RMDN2: variants seen among roughly 807,000 people sequenced by gnomAD.
RMDN2 encodes the protein regulator of microtubule dynamics 2.
RMDN2 carries 61 observed loss-of-function variants against 52.8 expected under a neutral mutation model. That is an observed-to-expected ratio of 1.16 (90% CI 0.94 to 1.43). RMDN2 has a LOEUF of 1.43. RMDN2 is among the 40% of genes most tolerant of loss of function. The pLI is 0.00. For missense variants in RMDN2, 592 were observed against 475.3 expected (o/e 1.25, Z -2.28); for synonymous variants, 180 against 153.1 (o/e 1.18, Z -1.30).
intron 2 of RMDN2, among the ~76,000 whole-genome samples, chr2:37,963,630 G>A (rs1670585425): frequency 6.6e-6 from 1 of 152,196 alleles, no homozygotes; most frequent in Non-Finnish European, 1.5e-5. Flanking sequence ...GCACAGGGTT[G>A]GGGGCAAGGT....
At chr2:37,994,623 G>A (rs1675261281) in intron 7 of RMDN2, among the ~76,000 whole-genome samples, 1 of 152,062 alleles carries the variant, frequency 6.6e-6, no homozygotes, top group African/African-American at 2.4e-5. Flanking sequence ...TTAGAAAAAT[G>A]CAAATTAAAA....
intron 6 of RMDN2, 28 bp from the exon 7 acceptor site, chr2:37,991,192 A>G (rs1170986861): frequency 3.0e-6 from 4 of 1,350,102 alleles, no homozygotes; most frequent in East Asian, 2.4e-5. Flanking sequence ...AACTTGGGAG[A>G]TGATTTTCCT....
chr2:38,047,755 G>A (rs781684891), intron 10 of RMDN2, among the ~76,000 whole-genome samples: 2 of 152,268 alleles, frequency 1.3e-5, no homozygotes, highest in Admixed American at 6.5e-5. Context: ...CTCCCATGAC[G>A]GTTAACTGTC....
At chr2:38,000,651 C>G (rs898338832) in intron 8 of RMDN2, among the ~76,000 whole-genome samples, 1 of 152,146 alleles carries the variant, frequency 6.6e-6, no homozygotes, top group African/African-American at 2.4e-5. Context: ...TTTTGAGATT[C>G]ATTCATTTTA....
At chr2:37,965,713 A>G (rs1349218678) in intron 2 of RMDN2, among the ~76,000 whole-genome samples, 1 of 152,158 alleles carries the variant, frequency 6.6e-6, no homozygotes, top group African/African-American at 2.4e-5. Flanking sequence ...ACAGAATATT[A>G]TATTTTTGTA....
At chr2:37,946,292 AT>A (rs1478133722) in intron 2 of RMDN2, among the ~76,000 whole-genome samples, 12 of 152,126 alleles carry the variant, frequency 7.9e-5, no homozygotes, top group Admixed American at 4.6e-4. Context: ...TTCCTGCCTT[AT>A]AACTTTAGTT....
chr2:38,027,316 C>G (rs1679850461), intron 10 of RMDN2: 1 of 152,140 alleles, frequency 6.6e-6, no homozygotes, highest in Non-Finnish European at 1.5e-5. Flanking sequence ...GGTTGCTGTA[C>G]TTTCTTTCTT....
intron 5 of RMDN2, among the ~76,000 whole-genome samples, chr2:37,986,208 T>A (rs1202401621): frequency 2.0e-5 from 3 of 152,188 alleles, no homozygotes; most frequent in Non-Finnish European, 4.4e-5. Flanking sequence ...TGGAACTCGT[T>A]GAGAGGAAAC....
At chr2:37,960,017 T>C (rs748756869) in intron 2 of RMDN2, among the ~76,000 whole-genome samples, 10 of 152,098 alleles carry the variant, frequency 6.6e-5, no homozygotes, top group Non-Finnish European at 1.0e-4. Context: ...GAGACTGTTA[T>C]GATTTCTGTT....
At chr2:37,995,392 C>G (rs1000503784) in intron 7 of RMDN2, among the ~76,000 whole-genome samples, 3 of 151,124 alleles carry the variant, frequency 2.0e-5, no homozygotes, top group Non-Finnish European at 2.9e-5. Flanking sequence ...AATTTTAAGG[C>G]AAAAGTATAT....
chr2:37,966,758 A>G (rs1384487106), intron 2 of RMDN2, among the ~76,000 whole-genome samples: 2 of 152,144 alleles, frequency 1.3e-5, no homozygotes, highest in African/African-American at 4.8e-5. Flanking sequence ...GGGTCTTCAA[A>G]AAGTTCATGG....
intron 5 of RMDN2, 129 bp from the exon 6 acceptor site, chr2:37,989,412 T>A: frequency 1.5e-6 from 1 of 648,066 alleles, no homozygotes; most frequent in Non-Finnish European, 2.8e-6. Context: ...AGGGCCCTTA[T>A]ATTTATATGA....
chr2:37,928,737 G>C (rs1373411590), intron 1 of RMDN2: 1 of 152,288 alleles, frequency 6.6e-6, no homozygotes, highest in African/African-American at 2.4e-5. Flanking sequence ...CAAGTTTATT[G>C]CTATGCAGTT....
chr2:37,954,835 A>G (rs1480066340), intron 2 of RMDN2, among the ~76,000 whole-genome samples: 2 of 152,120 alleles, frequency 1.3e-5, no homozygotes, highest in South Asian at 2.1e-4. Context: ...ATCCACAAAC[A>G]TGGCATGTCT....
intron 10 of RMDN2, among the ~76,000 whole-genome samples, chr2:38,005,821 T>C (rs1676998306): frequency 6.6e-6 from 1 of 152,216 alleles, no homozygotes; most frequent in Non-Finnish European, 1.5e-5. Flanking sequence ...TCTCCTAGGG[T>C]TTTTATGGTT....
At chr2:37,938,815 T>C (rs994766782) in intron 2 of RMDN2, among the ~76,000 whole-genome samples, 4 of 152,154 alleles carry the variant, frequency 2.6e-5, no homozygotes, top group African/African-American at 9.7e-5. Flanking sequence ...TGGCTAGCGG[T>C]CTATCTATTT....
chr2:37,929,137 A>G (rs1342937574), intron 1 of RMDN2, 125 bp from the exon 2 acceptor site: 4 of 611,856 alleles, frequency 6.5e-6, no homozygotes, highest in African/African-American at 3.7e-5. Flanking sequence ...CCTTTGGGCT[A>G]TTGTCCTACT....
chr2:37,965,979 G>C (rs2125040145), intron 2 of RMDN2, among the ~76,000 whole-genome samples: 1 of 152,306 alleles, frequency 6.6e-6, no homozygotes, highest in Non-Finnish European at 1.5e-5. Flanking sequence ...GAAATCTGCT[G>C]ATGATTTTAT....
At chr2:37,987,405 A>G (rs541044759) in intron 5 of RMDN2, among the ~76,000 whole-genome samples, 1 of 152,308 alleles carries the variant, frequency 6.6e-6, no homozygotes, top group East Asian at 1.9e-4. Flanking sequence ...GAGGAACCTT[A>G]AATACATATT....
Sources: allele counts gnomAD v4.1 joint callset (sites outside exome capture counted in the v4.1 genomes callset), GRCh38; gene constraint gnomAD v4.1.1; transcripts MANE v1.5; gene names NCBI Gene and HGNC (gene_info 2026-07-23, HGNC 2026-07-21).